Variants in KIF27 observed in about 807,000 individuals in gnomAD.
KIF27 encodes the protein kinesin-like protein KIF27.
KIF27 carries 84 observed loss-of-function variants against 141.8 expected under a neutral mutation model. The ratio of observed to expected loss-of-function variants is 0.59; its 90% CI spans 0.50 to 0.71. The LOEUF (loss-of-function observed/expected upper bound fraction) is 0.71. Among genes scored for constraint, KIF27 ranks in the 30% least tolerant of loss-of-function variants. The probability of loss-of-function intolerance (pLI) is 0.00; values close to 1 mark genes in which losing one functional copy is unlikely to be tolerated. For missense variants in KIF27, 1,306 were observed against 1,628.4 expected (o/e 0.80, Z 3.41); for synonymous variants, 471 against 569.5 (o/e 0.83, Z 2.46).
chr9:83,889,436 C>A (rs1408856875), intron 6 of KIF27, among the ~76,000 whole-genome samples, 183 bp from the exon 7 acceptor site: 5 of 152,198 alleles, frequency 3.3e-5, no homozygotes, highest in African/African-American at 9.7e-5. Context: ...TTGTGCCTCA[C>A]AGACAAATAC....
At chr9:83,877,007 T>C (rs923341990) in intron 11 of KIF27, among the ~76,000 whole-genome samples, 9 of 152,076 alleles carry the variant, frequency 5.9e-5, no homozygotes, top group African/African-American at 1.4e-4. Context: ...AGCCCAGGAA[T>C]TGGAGGCTGC....
chr9:83,878,416 C>T (rs1294211687), intron 11 of KIF27, among the ~76,000 whole-genome samples: 1 of 151,876 alleles, frequency 6.6e-6, no homozygotes, highest in Non-Finnish European at 1.5e-5. Context: ...TAGGTACATA[C>T]CCAAAGGAAT....
At chr9:83,882,436 TTTTACC>T in intron 10 of KIF27, among the ~76,000 whole-genome samples, 1 of 152,316 alleles carries the variant, frequency 6.6e-6, no homozygotes, top group South Asian at 2.1e-4. Flanking sequence ...GACTGAGTTA[TTTTACC>T]TTTCTAAACC....
chr9:83,865,863 G>A (rs1191432678), intron 13 of KIF27, among the ~76,000 whole-genome samples: 2 of 152,244 alleles, frequency 1.3e-5, no homozygotes, highest in South Asian at 2.1e-4. Context: ...CAGCATATAC[G>A]TGGGCCACTT....
intron 6 of KIF27, among the ~76,000 whole-genome samples, chr9:83,891,034 A>T (rs1231595636): frequency 6.6e-6 from 1 of 152,210 alleles, no homozygotes; most frequent in Non-Finnish European, 1.5e-5. Flanking sequence ...ATGTCTGAAA[A>T]TATGGCAAAG....
chr9:83,859,139 A>G lies in KIF27; in HGVS notation c.3150+17T>C. 2 of 1,553,768 alleles carry G rather than the reference A, an allele frequency of 1.3e-6. No homozygotes were observed. Among genetic ancestry groups the G allele is most frequent in the South Asian group, 2.2e-5 (2 of 89,896 alleles). On this transcript the variant is annotated intron_variant, in intron 14 of 17. Transcript: ENST00000297814. ...TCCATCATACAGCACCTCCAGTTCCAAAGAATACTGACTTACTTCAGGTGA... is the reference window on the plus strand; with the variant it reads ...TCCATCATACAGCACCTCCAGTTCCGAAGAATACTGACTTACTTCAGGTGA...
chr9:83,846,453 T>G (rs1052845292), intron 16 of KIF27, among the ~76,000 whole-genome samples: 3 of 152,174 alleles, frequency 2.0e-5, no homozygotes, highest in Non-Finnish European at 2.9e-5. Context: ...TCACTGGTCA[T>G]TCATGGGATG....
intron 6 of KIF27, 39 bp downstream of exon 6, chr9:83,891,256 T>C (rs1459928706): frequency 1.3e-6 from 2 of 1,574,080 alleles, no homozygotes. Flanking sequence ...CTAAAATTTT[T>C]TTAATCTCCA....
chr9:83,863,159 C>A (rs987027379), intron 13 of KIF27, among the ~76,000 whole-genome samples: 1 of 152,092 alleles, frequency 6.6e-6, no homozygotes, highest in African/African-American at 2.4e-5. Flanking sequence ...TAACTGAATA[C>A]CCTTTATTTC....
chr9:83,893,734 G>T (rs1952904825), intron 5 of KIF27, among the ~76,000 whole-genome samples: 2 of 151,672 alleles, frequency 1.3e-5, no homozygotes, highest in Admixed American at 1.3e-4. Flanking sequence ...AAAAGTAGAA[G>T]GAATTAAATA....
chr9:83,869,888 C>G (rs1950630266), intron 12 of KIF27, among the ~76,000 whole-genome samples: 2 of 152,104 alleles, frequency 1.3e-5, no homozygotes, highest in African/African-American at 4.8e-5. Flanking sequence ...AAATACAGCA[C>G]ATTTCTGGAT....
rs1183803280 is a variant in KIF27, at chr9:83,901,617, A to T, written c.1458+1443T>A. Among the ~76,000 whole-genome samples, 5 of 152,178 alleles carry T rather than the reference A, an allele frequency of 3.3e-5. No individual in the cohort carries two copies. The East Asian group carries it at 9.7e-4, about 30-fold the overall frequency. Reference sequence around the variant, plus strand: ...TGGCCGGGTGCGGTGGCTCATGCCTATAATCCCAGCACTTTGGGAGGCCGA... The same window carrying T: ...TGGCCGGGTGCGGTGGCTCATGCCTTTAATCCCAGCACTTTGGGAGGCCGA... On this transcript the variant is annotated intron_variant, in intron 4 of 17. Coordinates refer to ENST00000297814, the MANE Select transcript of KIF27 (RefSeq NM_017576.4).
intron 5 of KIF27, among the ~76,000 whole-genome samples, chr9:83,895,314 G>A (rs1324111455): frequency 6.7e-6 from 1 of 148,714 alleles, no homozygotes; most frequent in Non-Finnish European, 1.5e-5. Context: ...CATATTAGCA[G>A]AATAAGGAAG....
chr9:83,874,984 T>A lies in KIF27; in HGVS notation c.2644-4352A>T, dbSNP rs187041223. On this transcript the variant is annotated intron_variant, in intron 11 of 17. Coordinates refer to ENST00000297814, the MANE Select transcript of KIF27 (RefSeq NM_017576.4). ...CTAGATAAGAAGGTAAAAGTTTGAGTTACAAGCAGAGTTGCATTTCAGCAG... is the reference window on the plus strand; with the variant it reads ...CTAGATAAGAAGGTAAAAGTTTGAGATACAAGCAGAGTTGCATTTCAGCAG... Among the ~76,000 whole-genome samples the A allele has an allele frequency of 4.5e-3, 655 of 144,174 alleles. 3 individuals carry two copies. The highest frequency in any genetic ancestry group is 0.016 in the African/African-American group (622 of 38,602). The allele number at this position is 144,174 out of a possible 152,430, so 94.6% of individuals were successfully genotyped here.
At chr9:83,854,549 A>G (rs941818574) in intron 14 of KIF27, among the ~76,000 whole-genome samples, 5 of 152,170 alleles carry the variant, frequency 3.3e-5, no homozygotes, top group African/African-American at 9.7e-5. Flanking sequence ...AGGAAAACCT[A>G]CAAGTTCTCT....
At chr9:83,873,243 G>A (rs1438983152) in intron 11 of KIF27, among the ~76,000 whole-genome samples, 4 of 152,178 alleles carry the variant, frequency 2.6e-5, no homozygotes, top group African/African-American at 9.7e-5. Flanking sequence ...AGGTGGACAA[G>A]GGAGCACAAT....
At chr9:83,892,356 T>C (rs1182763750) in intron 5 of KIF27, among the ~76,000 whole-genome samples, 1 of 152,078 alleles carries the variant, frequency 6.6e-6, no homozygotes, top group African/African-American at 2.4e-5. Context: ...AATGGAGTTC[T>C]TACATTGCCT....
At chr9:83,888,213 A>G (rs1268722262) in intron 8 of KIF27, among the ~76,000 whole-genome samples, 1 of 149,502 alleles carries the variant, frequency 6.7e-6, no homozygotes, top group East Asian at 2.0e-4. Context: ...AATACAAAGC[A>G]TATCAATTCA....
chr9:83,842,929 A>AC (rs1482265658), intron 16 of KIF27, among the ~76,000 whole-genome samples: 1 of 151,874 alleles, frequency 6.6e-6, no homozygotes, highest in Admixed American at 6.6e-5. Context: ...CCTCCATCCT[A>AC]CCCCCTACCA....
Sources: allele counts gnomAD v4.1 joint callset (sites outside exome capture counted in the v4.1 genomes callset), GRCh38; gene constraint gnomAD v4.1.1; transcripts MANE v1.5; gene names NCBI Gene and HGNC (gene_info 2026-07-23, HGNC 2026-07-21).